The following TMEM120B variants were observed in gnomAD, a reference collection of about 807,000 sequenced individuals.
The protein encoded by TMEM120B is transmembrane protein 120B.
In TMEM120B, 31 loss-of-function variants were observed where a neutral mutation model predicts 55.5. The observed-to-expected ratio is 0.56, with a 90% confidence interval of 0.42 to 0.75. The LOEUF (loss-of-function observed/expected upper bound fraction) is 0.75. TMEM120B is among the 30% of genes least tolerant of loss of function. TMEM120B has a pLI of 0.00. For synonymous variants in TMEM120B, 203 were observed against 176.3 expected, an observed-to-expected ratio of 1.15 and a Z score of -1.20; for missense variants, 399 against 425.5, an observed-to-expected ratio of 0.94 and a Z score of 0.55.
At chr12:121,720,849 C>T (rs1290033936) in intron 1 of TMEM120B, among the ~76,000 whole-genome samples, 2 of 152,202 alleles carry the variant, frequency 1.3e-5, no homozygotes, top group Non-Finnish European at 2.9e-5. Context: ...GCTCCTGGGC[C>T]AGAACCATGT....
intron 1 of TMEM120B, among the ~76,000 whole-genome samples, chr12:121,741,645 T>C (rs1011304207): frequency 1.3e-5 from 2 of 151,932 alleles, no homozygotes; most frequent in African/African-American, 4.8e-5. Context: ...TTATTATTAT[T>C]CATTTATTTA....
intron 4 of TMEM120B, among the ~76,000 whole-genome samples, chr12:121,750,918 C>T (rs1236409139): frequency 1.2e-5 from 1 of 84,632 alleles, no homozygotes; most frequent in African/African-American, 4.4e-5. Flanking sequence ...CCACACCCCA[C>T]ACCCACACCT....
intron 6 of TMEM120B, among the ~76,000 whole-genome samples, chr12:121,762,450 C>T (rs970014393): frequency 3.9e-5 from 6 of 152,192 alleles, no homozygotes; most frequent in African/African-American, 1.4e-4. Context: ...GGAGCACATT[C>T]CTCTCTTCCA....
chr12:121,761,976 A>G (rs1344953726), intron 6 of TMEM120B, among the ~76,000 whole-genome samples: 1 of 152,142 alleles, frequency 6.6e-6, no homozygotes, highest in Non-Finnish European at 1.5e-5. Context: ...GCTCAACACA[A>G]TAAGAAACAT....
rs1346418896 is a variant in TMEM120B, at chr12:121,712,904, G to A, written c.9G>A (p.Gly3=). 6.5e-7 allele frequency: 1 copy of A among 1,530,916 alleles called. No individual in the cohort carries two copies. The highest frequency in any genetic ancestry group is 1.4e-5 in the African/African-American group (1 of 69,328). 94.8% of individuals were successfully genotyped at this position (1,530,916 alleles called of 1,614,324 possible). Residue 3 remains glycine, a synonymous_variant, in exon 1 of 12, where the codon GGG becomes GGA. Transcript: ENST00000449592. ...CCTTGCACCATCGCATCATGTCCGG[G>A]CAGCTGGAGCGTTGCGAGCGCGAAT... MS[G]QLERCEREWH...
rs1255142000 is a variant in TMEM120B, at chr12:121,776,066, T to C, written c.*344T>C. 1.8e-6 allele frequency: 1 copy of C among 562,370 alleles called. No homozygotes were observed. Among genetic ancestry groups the C allele is most frequent in the African/African-American group, 1.9e-5 (1 of 52,688 alleles). The allele number at this position is 562,370 out of a possible 1,614,324, so 34.8% of individuals were successfully genotyped here. ...CTCCTGTCATTTGAACCCCTCTGGGTGGGGTTTGGATGTGCCTCGCGGGGT... is the reference window on the plus strand; with the variant it reads ...CTCCTGTCATTTGAACCCCTCTGGGCGGGGTTTGGATGTGCCTCGCGGGGT... On this transcript the variant is annotated 3_prime_UTR_variant, in exon 12 of 12. Coordinates refer to ENST00000449592, the MANE Select transcript of TMEM120B (RefSeq NM_001080825.2).
At chr12:121,770,604 C>A (rs1428244207) in intron 6 of TMEM120B, among the ~76,000 whole-genome samples, 3 of 151,674 alleles carry the variant, frequency 2.0e-5, no homozygotes. Flanking sequence ...GGGGAGAGGA[C>A]CAGGTGGGGA....
Position 121,781,173 on chromosome 12 carries a change from C to T in TMEM120B, c.*5451C>T. On this transcript the variant is annotated 3_prime_UTR_variant, in exon 12 of 12. Coordinates refer to ENST00000449592, the MANE Select transcript of TMEM120B (RefSeq NM_001080825.2). ...TGTTCTGGTAGGACAGGGGCCGCAG[C>T]CGGTCATAGTCTTCTTGCCCTGAAA... 6.2e-7 allele frequency: 1 copy of T among 1,614,198 alleles called. No homozygotes were observed. Among genetic ancestry groups the T allele is most frequent in the Non-Finnish European group, 8.5e-7 (1 of 1,180,024 alleles).
intron 1 of TMEM120B, among the ~76,000 whole-genome samples, chr12:121,726,510 C>T (rs1894894610): frequency 1.3e-5 from 2 of 149,144 alleles, no homozygotes; most frequent in Admixed American, 6.8e-5. Flanking sequence ...ACCTGGGAGG[C>T]GGAGCTTGCA....
chr12:121,723,601 C>G (rs1394514280), intron 1 of TMEM120B, among the ~76,000 whole-genome samples: 3 of 152,162 alleles, frequency 2.0e-5, no homozygotes, highest in Admixed American at 6.6e-5. Flanking sequence ...CTCCAGTCTT[C>G]TGGTGACTAC....
chr12:121,770,778 C>T, intron 6 of TMEM120B, 129 bp from the exon 7 acceptor site: 1 of 805,072 alleles, frequency 1.2e-6, no homozygotes, highest in Non-Finnish European at 2.1e-6. Context: ...GGGTTCCAGT[C>T]TGTTTCTTAC....
rs1454450707 is a variant in TMEM120B at position 121,712,839 on chromosome 12, C to T, written c.-57C>T. 2.3e-6 allele frequency: 3 copies of T among 1,290,724 alleles called. No homozygotes were observed. The highest frequency in any genetic ancestry group is 1.6e-5 in the African/African-American group (1 of 63,854). 80.0% of individuals were successfully genotyped at this position (1,290,724 alleles called of 1,614,324 possible). ...GCGCGGGCGTGGGGCGCTGGGGGGC[C>T]GGTCGGGCAGCGCTGCGGGAGCAGC... On this transcript the variant is annotated 5_prime_UTR_variant, in exon 1 of 12. Transcript: ENST00000449592.
At chr12:121,772,438 C>CT (rs113833541) in intron 8 of TMEM120B, among the ~76,000 whole-genome samples, 2,201 of 128,466 alleles carry the variant, frequency 0.017, 31 homozygotes, top group African/African-American at 0.044. Flanking sequence ...CCGTTTCTTT[C>CT]TTTTTTTTTT....
At chr12:121,715,543 G>C (rs1335215806) in intron 1 of TMEM120B, among the ~76,000 whole-genome samples, 1 of 152,122 alleles carries the variant, frequency 6.6e-6, no homozygotes, top group African/African-American at 2.4e-5. Context: ...GCACAGCAAG[G>C]GTTGTAGAAG....
At chr12:121,755,881 C>T (rs1379931649) in intron 5 of TMEM120B, among the ~76,000 whole-genome samples, 1 of 152,094 alleles carries the variant, frequency 6.6e-6, no homozygotes, top group African/African-American at 2.4e-5. Flanking sequence ...TTAATTGCTC[C>T]ACCCTTCTGA....
At chr12:121,764,032 C>T (rs530952020) in intron 6 of TMEM120B, among the ~76,000 whole-genome samples, 4 of 152,112 alleles carry the variant, frequency 2.6e-5, no homozygotes, top group South Asian at 2.1e-4. Flanking sequence ...TAGAAAACAT[C>T]AGTGTGTAGG....
chr12:121,760,105 T>C (rs1592943085), intron 5 of TMEM120B, among the ~76,000 whole-genome samples: 1 of 132,184 alleles, frequency 7.6e-6, no homozygotes, highest in Non-Finnish European at 1.5e-5. Context: ...CACTCCAGCC[T>C]GGCCCCAGAG....
chr12:121,715,054 G>A (rs1285898603), intron 1 of TMEM120B, among the ~76,000 whole-genome samples: 13 of 152,084 alleles, frequency 8.5e-5, no homozygotes, highest in Non-Finnish European at 1.8e-4. Flanking sequence ...ACTTCAGAGT[G>A]AGGCCCAGCG....
chr12:121,750,263 C>T (rs1366326722), intron 3 of TMEM120B, 117 bp from the exon 4 acceptor site: 8 of 958,450 alleles, frequency 8.3e-6, no homozygotes, highest in Admixed American at 1.8e-5. Context: ...TGAGCTTAGG[C>T]CCCCTATCTT....
Sources: allele counts gnomAD v4.1 joint callset (sites outside exome capture counted in the v4.1 genomes callset), GRCh38; gene constraint gnomAD v4.1.1; transcripts MANE v1.5; gene names NCBI Gene and HGNC (gene_info 2026-07-23, HGNC 2026-07-21).